The following ERBB4 variants were observed in gnomAD, a reference collection of about 807,000 sequenced individuals.
ERBB4 encodes erb-b2 receptor tyrosine kinase 4.
Under a neutral mutation model 158.0 loss-of-function variants are expected in ERBB4, and 42 were observed. That is an observed-to-expected ratio of 0.27 (90% confidence interval 0.21 to 0.34). The LOEUF (loss-of-function observed/expected upper bound fraction) is 0.34, where lower values mean the gene tolerates loss of function less well. Among genes scored for constraint, ERBB4 ranks in the 10% least tolerant of loss-of-function variants. The pLI is 1.00. For missense variants in ERBB4, 1,333 were observed against 1,624.1 expected, an observed-to-expected ratio of 0.82 and a Z score of 3.08; for synonymous variants, 583 against 558.7, an observed-to-expected ratio of 1.04 and a Z score of -0.61.
In ERBB4 at chr2:212,375,449, T is replaced by C. The variant is rs74765760; in HGVS notation, c.82+163000A>G. On this transcript the variant is annotated intron_variant, in intron 1 of 27. Transcript: ENST00000342788. ...AAATTGTAATGCAACAATTCTACCA[T>C]TAATACAACTTTTCTCACTAACGCC... Among the ~76,000 whole-genome samples the C allele has an allele frequency of 3.3e-3, 496 of 152,204 alleles. 2 individuals are homozygous for C. Among genetic ancestry groups the C allele is most frequent in the African/African-American group, 0.011 (441 of 41,556 alleles).
At chr2:212,238,349 A>G (rs2083955886) in intron 1 of ERBB4, among the ~76,000 whole-genome samples, 1 of 152,018 alleles carries the variant, frequency 6.6e-6, no homozygotes, top group Non-Finnish European at 1.5e-5. Flanking sequence ...GACCCCATAC[A>G]CTGCTGTGGT....
chr2:211,669,597 GA>G (rs1472945304), intron 14 of ERBB4, among the ~76,000 whole-genome samples: 1 of 152,066 alleles, frequency 6.6e-6, no homozygotes, highest in Non-Finnish European at 1.5e-5. Context: ...ATAAAATATA[GA>G]AGACCAAGTG....
intron 2 of ERBB4, among the ~76,000 whole-genome samples, chr2:212,015,083 T>A (rs867150260): frequency 0.59 from 5,928 of 9,998 alleles, 2,672 homozygotes; most frequent in East Asian, 0.96. Flanking sequence ...TATATATATA[T>A]ATATATATAT....
At chr2:211,826,096 A>C (rs1219755069) in intron 3 of ERBB4, among the ~76,000 whole-genome samples, 7 of 151,546 alleles carry the variant, frequency 4.6e-5, no homozygotes, top group Admixed American at 1.3e-4. Context: ...TACAGAACTA[A>C]GAAAACAGAC....
intron 1 of ERBB4, among the ~76,000 whole-genome samples, chr2:212,284,468 G>A (rs1380063560): frequency 2.6e-5 from 4 of 152,058 alleles, no homozygotes; most frequent in Non-Finnish European, 5.9e-5. Context: ...CCATTAAGCA[G>A]TCACCTATTA....
At chr2:211,617,351 C>T (rs966147458) in intron 19 of ERBB4, among the ~76,000 whole-genome samples, 3 of 152,030 alleles carry the variant, frequency 2.0e-5, no homozygotes, top group East Asian at 3.8e-4. Context: ...AATTTCCCTT[C>T]ACAAATTTAT....
intron 12 of ERBB4, among the ~76,000 whole-genome samples, chr2:211,698,842 C>G (rs572733566): frequency 1.3e-5 from 2 of 152,216 alleles, no homozygotes; most frequent in South Asian, 4.1e-4. Context: ...CTTCTTCCAC[C>G]TAACACTGTA....
chr2:212,003,256 G>GAAA (rs2076180460), intron 2 of ERBB4, among the ~76,000 whole-genome samples: 1 of 92,432 alleles, frequency 1.1e-5, no homozygotes, highest in Non-Finnish European at 2.4e-5. Flanking sequence ...AAGGAAGGAA[G>GAAA]GAAAGAGAGA....
At chr2:211,931,041 T>C (rs1018085618) in intron 3 of ERBB4, among the ~76,000 whole-genome samples, 1 of 152,058 alleles carries the variant, frequency 6.6e-6, no homozygotes, top group Non-Finnish European at 1.5e-5. Flanking sequence ...AAATGAACAA[T>C]GAATAGGATT....
At chr2:211,710,552 G>A (rs998518238) in intron 9 of ERBB4, among the ~76,000 whole-genome samples, 1 of 152,042 alleles carries the variant, frequency 6.6e-6, no homozygotes, top group Admixed American at 6.6e-5. Flanking sequence ...TTGATTAAGG[G>A]TGTCCCATCT....
chr2:211,809,056 A>G (rs1198617301), intron 3 of ERBB4, among the ~76,000 whole-genome samples: 2 of 152,226 alleles, frequency 1.3e-5, no homozygotes, highest in Non-Finnish European at 2.9e-5. Flanking sequence ...CTAAATGTAC[A>G]GTCATGTCAT....
rs567214190 is a variant in ERBB4, at chr2:212,061,536, T to C, written c.234+63216A>G. ...CCATTAAGCCATATTCTATAGTTTCTGGCATTCATTACACTTCAATACCCA... is the reference window on the plus strand; with the variant it reads ...CCATTAAGCCATATTCTATAGTTTCCGGCATTCATTACACTTCAATACCCA... On this transcript the variant is annotated intron_variant, in intron 2 of 27. Transcript: ENST00000342788. Among the ~76,000 whole-genome samples, 8 of 148,222 alleles carry C rather than the reference T, an allele frequency of 5.4e-5. No individual in the cohort carries two copies. In the South Asian group the frequency reaches 1.8e-3, roughly 33 times the overall value.
intron 20 of ERBB4, among the ~76,000 whole-genome samples, chr2:211,554,770 T>C (rs936932713): frequency 6.6e-6 from 1 of 152,210 alleles, no homozygotes; most frequent in African/African-American, 2.4e-5. Context: ...TTTTGGTCAC[T>C]CCCAGACCAC....
chr2:211,612,656 T>TA (rs1259033312), intron 19 of ERBB4, among the ~76,000 whole-genome samples: 1 of 151,960 alleles, frequency 6.6e-6, no homozygotes, highest in Admixed American at 6.6e-5. Context: ...AGGAGCTCTG[T>TA]AAGCTAAGAA....
At chr2:212,182,501 G>A (rs2081899067) in intron 1 of ERBB4, among the ~76,000 whole-genome samples, 1 of 151,810 alleles carries the variant, frequency 6.6e-6, no homozygotes, top group African/African-American at 2.4e-5. Flanking sequence ...TGTAAATGCT[G>A]AATCAAAGGA....
intron 1 of ERBB4, among the ~76,000 whole-genome samples, chr2:212,446,591 G>GTATGTATATATATATATA (rs1303302858): frequency 3.6e-5 from 1 of 27,518 alleles, no homozygotes; most frequent in Non-Finnish European, 5.9e-5. Flanking sequence ...ATATATATAT[G>GTATGTATATATATATATA]TATATATATA....
intron 2 of ERBB4, among the ~76,000 whole-genome samples, chr2:211,951,648 G>A (rs1038837311): frequency 6.6e-6 from 1 of 152,074 alleles, no homozygotes; most frequent in Non-Finnish European, 1.5e-5. Context: ...TTCATGGAAG[G>A]TCAGATTAAA....
At chr2:212,102,784 C>T (rs1039397624) in intron 2 of ERBB4, among the ~76,000 whole-genome samples, 4 of 152,134 alleles carry the variant, frequency 2.6e-5, no homozygotes, top group African/African-American at 7.2e-5. Flanking sequence ...ACCTCTTCCA[C>T]TCAATTGATC....
chr2:211,950,670 T>C (rs183777611), intron 2 of ERBB4, among the ~76,000 whole-genome samples: 1 of 152,156 alleles, frequency 6.6e-6, no homozygotes, highest in Non-Finnish European at 1.5e-5. Flanking sequence ...AAGGGATATA[T>C]GGAATTACTC....
Sources: gnomAD v4.1 joint callset for allele counts (sites outside exome capture counted in the v4.1 genomes callset) on GRCh38, gnomAD v4.1.1 for gene constraint, MANE v1.5 for transcripts, NCBI Gene and HGNC (gene_info 2026-07-23, HGNC 2026-07-21) for gene names.